The following ERCC3 variants were observed in gnomAD, a reference collection of about 807,000 sequenced individuals.
ERCC3 encodes ERCC excision repair 3, TFIIH core complex helicase subunit.
A neutral mutation model predicts 94.2 loss-of-function variants in ERCC3; 66 were observed. The observed-to-expected ratio is 0.70, with a 90% CI of 0.57 to 0.86. The LOEUF (loss-of-function observed/expected upper bound fraction) is 0.86. Among genes scored for constraint, ERCC3 ranks in the 40% least tolerant of loss-of-function variants. The pLI, the probability that ERCC3 is intolerant of heterozygous loss-of-function variation, is 0.00. For missense variants in ERCC3, 829 were observed against 987.1 expected (o/e 0.84, Z 2.15); for synonymous variants, 349 against 369.1 (o/e 0.95, Z 0.63).
At chr2:127,290,400 A>C (rs2104777741) in intron 3 of ERCC3, 127 bp from the exon 4 acceptor site, 1 of 805,796 alleles carries the variant, frequency 1.2e-6, no homozygotes. Flanking sequence ...CCCAACTTGC[A>C]ATCCTAAAGT....
At position 127,260,884 on chromosome 2, in the gene ERCC3, GGAGGCAAACT is replaced by G. The variant is rs4150516; in HGVS notation, c.2064+334_2064+343del. ...TAGTACAGGATAGCTCTGATGTCTGGGAGGCAAACTGAGGCAAACTAAGGCCTGGAGCTTA... is the reference window on the plus strand; with the variant it reads ...TAGTACAGGATAGCTCTGATGTCTGGGAGGCAAACTAAGGCCTGGAGCTTA... On this transcript the variant is annotated intron_variant, in intron 13 of 14. Coordinates refer to ENST00000285398, the MANE Select transcript of ERCC3 (RefSeq NM_000122.2). The G allele has an allele frequency of 0.058, 20,853 of 358,594 alleles. 943 individuals carry two copies. The highest frequency in any genetic ancestry group is 0.16 in the African/African-American group (7,626 of 47,974). The allele number at this position is 358,594 out of a possible 1,614,324, so 22.2% of individuals were successfully genotyped here. A position where few individuals can be genotyped will look rare whatever the true frequency, so the allele number is the denominator to read the frequency against.
In ERCC3 at chr2:127,279,749, G is replaced by A. The variant is rs1043489421; in HGVS notation, c.1528-374C>T. ...CACTCCAGCCTGGGTGACAGAGTGA[G>A]ACCCTGTTTTAAAAAAAAAAAAATG... is the stretch of plus-strand genomic sequence containing the variant. On this transcript the variant is annotated intron_variant, in intron 9 of 14. Coordinates refer to ENST00000285398, the MANE Select transcript of ERCC3 (RefSeq NM_000122.2). This position sits in a 1 kb window ranked among gnomAD's most constrained non-coding sequence, Gnocchi z 4.7. 6.6e-6 allele frequency among the ~76,000 whole-genome samples: 1 copy of A among 151,292 alleles called. No individual in the cohort carries two copies. The highest frequency in any genetic ancestry group is 1.5e-5 in the Non-Finnish European group (1 of 67,922).
At chr2:127,273,617 C>T (rs547666722) in intron 10 of ERCC3, among the ~76,000 whole-genome samples, 5 of 151,690 alleles carry the variant, frequency 3.3e-5, no homozygotes, top group South Asian at 4.2e-4. Flanking sequence ...AGTGTGGTGG[C>T]GCATGTGTGT....
At position 127,257,659 on chromosome 2, in the gene ERCC3, G is replaced by C. The variant is rs1684056789; in HGVS notation, c.2286C>G (p.His762Gln). 6.2e-7 allele frequency: 1 copy of C among 1,614,196 alleles called. No individual in the cohort carries two copies. The highest frequency in any genetic ancestry group is 8.5e-7 in the Non-Finnish European group (1 of 1,180,020). Residue 762 changes from histidine (H) to glutamine (Q), a missense_variant, in exon 15 of 15, where the codon CAC becomes CAG. By Grantham distance (24) the His-to-Gln change is conservative. Transcript: ENST00000285398. The surrounding 1 kb of genome is among the most constrained non-coding windows in gnomAD (Gnocchi z 5.4). ...TGCTGGGCGCCTTGCTCCGCGATGAGTGGTACTCCATGTACACAGTGTCGT... is the reference window on the plus strand; with the variant it reads ...TGCTGGGCGCCTTGCTCCGCGATGACTGGTACTCCATGTACACAGTGTCGT... ...GADDTVYMEY[H>Q]SSRSKAPSKH... is the part of the protein sequence containing the mutation.
At position 127,279,270 on chromosome 2, in the gene ERCC3, G is replaced by A. The variant is rs121913048; in HGVS notation, c.1633C>T (p.Gln545Ter). Residue 545 changes from glutamine to a stop codon, truncating the protein, a stop_gained, in exon 10 of 15, where the codon CAG becomes TAG. Transcript: ENST00000285398. LOFTEE classifies it high-confidence loss of function. This position sits in a 1 kb window ranked among gnomAD's most constrained non-coding sequence, Gnocchi z 4.7. Reference protein sequence around the residue: ...TMNPNKFRACQFLIKFHERRN... With the variant: ...TMNPNKFRAC ...CTTTCATGAAACTTGATCAGAAACT[G>A]GCAAGCTCTAAATTTGTTGGGGTTC... 2.5e-6 allele frequency: 4 copies of A among 1,613,558 alleles called. No homozygotes were observed. The highest frequency in any genetic ancestry group is 3.4e-6 in the Non-Finnish European group (4 of 1,179,496).
rs762462326 is a variant in ERCC3 at position 127,292,718 on chromosome 2, G to A, written c.363C>T (p.Tyr121=). The A allele has an allele frequency of 1.5e-5, 24 of 1,614,022 alleles. No individual in the cohort carries two copies. The highest frequency in any genetic ancestry group is 2.0e-5 in the Non-Finnish European group (24 of 1,180,018). The part of the protein sequence containing the change: ...THVHEYKLTA[Y]SLYAAVSVGL... ...CAACGCTGACAGCTGCATACAAGGA[G>A]TAGGCAGTTAGTTTGTACTCATGCA... Residue 121 remains tyrosine, a synonymous_variant, in exon 3 of 15, where the codon TAC becomes TAT. Coordinates refer to ENST00000285398, the MANE Select transcript of ERCC3 (RefSeq NM_000122.2).
Position 127,271,357 on chromosome 2 carries a change from G to A in ERCC3, c.1924C>T (p.Arg642Trp), listed in dbSNP as rs759338358. Reference sequence around the variant, plus strand: ...TTACCTTTTTTAGCTCGAAGCACCCGCCCTAGCCTTTGGGCTTCCTGACGC... The same window carrying A: ...TTACCTTTTTTAGCTCGAAGCACCCACCCTAGCCTTTGGGCTTCCTGACGC... ...SRRQEAQRLG[R>W]VLRAKKGMVA... Residue 642 changes from arginine (R) to tryptophan (W), a missense_variant, in exon 12 of 15, where the codon CGG (arginine) becomes TGG (tryptophan). Coordinates refer to ENST00000285398, the MANE Select transcript of ERCC3 (RefSeq NM_000122.2). This position sits in a 1 kb window ranked among gnomAD's most constrained non-coding sequence, Gnocchi z 5.0. 7 of 1,613,540 alleles carry A rather than the reference G, an allele frequency of 4.3e-6. No homozygotes were observed. The highest frequency in any genetic ancestry group is 4.2e-6 in the Non-Finnish European group (5 of 1,179,560).
At position 127,273,061 on chromosome 2, in the gene ERCC3, T is replaced by C. The variant is rs1300729770; in HGVS notation, c.1731-100A>G. On this transcript the variant is annotated intron_variant, in intron 10 of 14. Coordinates refer to ENST00000285398, the MANE Select transcript of ERCC3 (RefSeq NM_000122.2). ...GGAGCTCAGGCTAGCTCTTCTCAAG[T>C]AGAAAGCCCTCGTCATGTAGGAATA... is the stretch of plus-strand genomic sequence containing the variant. 5.1e-6 allele frequency: 4 copies of C among 778,660 alleles called. No individual in the cohort carries two copies. The Admixed American group carries it at 5.7e-5, about 11-fold the overall frequency. 48.2% of individuals were successfully genotyped at this position (778,660 alleles called of 1,614,324 possible).
chr2:127,275,301 A>T (rs1684699182), intron 10 of ERCC3, among the ~76,000 whole-genome samples: 1 of 152,082 alleles, frequency 6.6e-6, no homozygotes, highest in South Asian at 2.1e-4. Context: ...AAGTGCTGGG[A>T]TTATAGGCAT....
intron 10 of ERCC3, among the ~76,000 whole-genome samples, chr2:127,275,400 C>T (rs1269846541): frequency 1.3e-5 from 2 of 151,866 alleles, no homozygotes; most frequent in Admixed American, 1.3e-4. Context: ...AGGCCAGAGA[C>T]ACAAAAAAAA....
chr2:127,259,951 A>G lies in ERCC3; in HGVS notation c.2065-503T>C, dbSNP rs1244768924. The G allele has an allele frequency of 4.6e-6, 1 of 218,358 alleles. No individual in the cohort carries two copies. The highest frequency in any genetic ancestry group is 9.3e-6 in the Non-Finnish European group (1 of 107,902). 13.5% of individuals were successfully genotyped at this position (218,358 alleles called of 1,614,324 possible). A position where few individuals can be genotyped will look rare whatever the true frequency, so the allele number is the denominator to read the frequency against. ...ATTATTTATAGAGCTTCTCTGAGAG[A>G]GTAAGAACAGCATGGTGGAGACTGG... On this transcript the variant is annotated intron_variant, in intron 13 of 14. Transcript: ENST00000285398. This position sits in a 1 kb window ranked among gnomAD's most constrained non-coding sequence, Gnocchi z 4.9.
At chr2:127,266,073 A>G (rs1684350379) in intron 12 of ERCC3, among the ~76,000 whole-genome samples, 1 of 150,340 alleles carries the variant, frequency 6.7e-6, no homozygotes, top group Non-Finnish European at 1.5e-5. Context: ...TTTCTATGTA[A>G]TTGTGTGGGT....
chr2:127,287,558 C>A (rs193301152), intron 7 of ERCC3, among the ~76,000 whole-genome samples: 84 of 152,220 alleles, frequency 5.5e-4, no homozygotes, highest in Admixed American at 5.2e-3. Context: ...ATCTTGAACC[C>A]AGTAGGCGGA....
At chr2:127,276,420 CA>C (rs1291703282) in intron 10 of ERCC3, among the ~76,000 whole-genome samples, 1 of 151,644 alleles carries the variant, frequency 6.6e-6, no homozygotes, top group African/African-American at 2.4e-5. Context: ...ACAATTAAGA[CA>C]AAAAAATGAA....
intron 10 of ERCC3, among the ~76,000 whole-genome samples, chr2:127,276,084 G>A (rs1684728978): frequency 6.6e-6 from 1 of 152,206 alleles, no homozygotes; most frequent in Admixed American, 6.5e-5. Context: ...CTCCAGGGAT[G>A]CCCGGCAGAG....
At chr2:127,265,378 A>G (rs972324631) in intron 12 of ERCC3, among the ~76,000 whole-genome samples, 10 of 151,588 alleles carry the variant, frequency 6.6e-5, no homozygotes, top group Non-Finnish European at 4.4e-5. Flanking sequence ...GCTTATTTGG[A>G]TCTTCTCTTT....
intron 12 of ERCC3, among the ~76,000 whole-genome samples, chr2:127,267,866 A>G (rs962879220): frequency 1.3e-5 from 2 of 152,098 alleles, no homozygotes; most frequent in African/African-American, 4.8e-5. Flanking sequence ...CATGTAGCTT[A>G]GTTTGGCAGG....
chr2:127,286,670 AG>A (rs781269663), intron 8 of ERCC3, 32 bp downstream of exon 8: 18 of 1,606,178 alleles, frequency 1.1e-5, no homozygotes, highest in Middle Eastern at 1.7e-4. Flanking sequence ...TTGTCTGTTC[AG>A]CAAGTGGACA....
chr2:127,292,491 C>T, intron 3 of ERCC3, 119 bp downstream of exon 3: 2 of 800,370 alleles, frequency 2.5e-6, no homozygotes, highest in Non-Finnish European at 4.5e-6. Context: ...CGTTATGCTC[C>T]CCACAGGAAA....
Sources: allele counts gnomAD v4.1 joint callset (sites outside exome capture counted in the v4.1 genomes callset), GRCh38; gene constraint gnomAD v4.1.1; non-coding constraint Gnocchi (gnomAD v3.1); transcripts MANE v1.5; gene names NCBI Gene and HGNC (gene_info 2026-07-23, HGNC 2026-07-21).